Variants in ANO10 observed in about 807,000 individuals in gnomAD.
ANO10 encodes the protein anoctamin-10.
In ANO10, 77 loss-of-function variants were observed where a neutral mutation model predicts 74.7. The observed-to-expected ratio is 1.03, with a 90% CI of 0.86 to 1.25. The LOEUF (loss-of-function observed/expected upper bound fraction) is 1.25, where lower values mean the gene tolerates loss of function less well. Among genes scored for constraint, ANO10 ranks in the 50% most tolerant of loss-of-function variants. The probability of loss-of-function intolerance (pLI) is 0.00; values close to 1 mark genes in which losing one functional copy is unlikely to be tolerated. For missense variants in ANO10, 721 were observed against 778.1 expected, an observed-to-expected ratio of 0.93 and a Z score of 0.87; for synonymous variants, 279 against 284.9, an observed-to-expected ratio of 0.98 and a Z score of 0.21.
chr3:43,524,459 C>T (rs184131097), intron 11 of ANO10, among the ~76,000 whole-genome samples: 2 of 152,106 alleles, frequency 1.3e-5, no homozygotes, highest in African/African-American at 2.4e-5. Context: ...CAGTCCACCC[C>T]ACAGCAGTAA....
In ANO10 at chr3:43,493,153, G is replaced by A. The variant is rs545456276; in HGVS notation, c.1797+56567C>T. On this transcript the variant is annotated intron_variant, in intron 11 of 12. Coordinates refer to ENST00000292246, the MANE Select transcript of ANO10 (RefSeq NM_018075.5). Reference sequence around the variant, plus strand: ...TCCTTTGCAGGGAAAGGAAGCCATCGTTCTCAGTAAACTATCACAAGATCA... The same window carrying A: ...TCCTTTGCAGGGAAAGGAAGCCATCATTCTCAGTAAACTATCACAAGATCA... 2.0e-4 allele frequency among the ~76,000 whole-genome samples: 30 copies of A among 152,242 alleles called. No individual in the cohort carries two copies. The East Asian group carries it at 2.1e-3, about 11-fold the overall frequency.
At chr3:43,631,756 A>G (rs74612612) in intron 1 of ANO10, among the ~76,000 whole-genome samples, 1 of 126,320 alleles carries the variant, frequency 7.9e-6, no homozygotes, top group African/African-American at 3.0e-5. Context: ...AAGTGCTTAT[A>G]AAAAAAAAAA....
intron 1 of ANO10, among the ~76,000 whole-genome samples, chr3:43,609,655 C>T (rs991573456): frequency 9.9e-5 from 15 of 152,154 alleles, no homozygotes; most frequent in Middle Eastern, 3.2e-3. Flanking sequence ...CTATTACATA[C>T]CTAGGCTATA....
At chr3:43,506,924 T>C (rs535805303) in intron 11 of ANO10, among the ~76,000 whole-genome samples, 3 of 152,296 alleles carry the variant, frequency 2.0e-5, no homozygotes, top group East Asian at 3.9e-4. Flanking sequence ...ATCATCTATC[T>C]TCCCCCCTAA....
chr3:43,681,836 A>G (rs1223742053), intron 1 of ANO10, among the ~76,000 whole-genome samples: 1 of 152,258 alleles, frequency 6.6e-6, no homozygotes, highest in African/African-American at 2.4e-5. Flanking sequence ...ACTACTGGGT[A>G]CATAACGAAA....
intron 10 of ANO10, among the ~76,000 whole-genome samples, chr3:43,550,476 A>G (rs2079406974): frequency 1.3e-5 from 2 of 152,224 alleles, no homozygotes; most frequent in South Asian, 4.1e-4. Flanking sequence ...TGTTGTGACC[A>G]TTGCTCTTTT....
chr3:43,435,510 GAA>G (rs1224221805), intron 11 of ANO10, among the ~76,000 whole-genome samples: 3 of 120,094 alleles, frequency 2.5e-5, no homozygotes, highest in Admixed American at 1.7e-4. Context: ...CTCCATCTCA[GAA>G]AAAAAAAAAA....
At chr3:43,507,174 C>T (rs887456946) in intron 11 of ANO10, among the ~76,000 whole-genome samples, 1 of 152,132 alleles carries the variant, frequency 6.6e-6, no homozygotes, top group African/African-American at 2.4e-5. Context: ...TTGATAAGTA[C>T]ATTTCTCTCT....
chr3:43,438,970 AC>A (rs1399936328), intron 11 of ANO10, among the ~76,000 whole-genome samples: 3 of 152,132 alleles, frequency 2.0e-5, no homozygotes, highest in Non-Finnish European at 4.4e-5. Flanking sequence ...TGGGAACAGA[AC>A]TTAATTTGAG....
chr3:43,454,018 C>CA (rs1351802671), intron 11 of ANO10, among the ~76,000 whole-genome samples: 1 of 152,068 alleles, frequency 6.6e-6, no homozygotes, highest in Non-Finnish European at 1.5e-5. Flanking sequence ...GTTTATGAAA[C>CA]AAAGAAGAGG....
rs140856405 is a variant in ANO10, at chr3:43,511,271, A to G, written c.1797+38449T>C. On this transcript the variant is annotated intron_variant, in intron 11 of 12. Coordinates refer to ENST00000292246, the MANE Select transcript of ANO10 (RefSeq NM_018075.5). ...TTTTTATTGCTGCTCTAGTAACACA[A>G]ATTAGATTTTTTTAAAATTCACAAA... Among the ~76,000 whole-genome samples the G allele has an allele frequency of 1.4e-3, 219 of 152,312 alleles. 7 individuals carry two copies. The East Asian group carries it at 0.038, about 27-fold the overall frequency.
At chr3:43,678,242 A>G (rs1195721539) in intron 1 of ANO10, among the ~76,000 whole-genome samples, 2 of 152,216 alleles carry the variant, frequency 1.3e-5, no homozygotes, top group African/African-American at 4.8e-5. Context: ...AGAGTAAAAA[A>G]CAGAATGGCT....
At chr3:43,626,272 A>G (rs1278787643), upstream of ANO10, among the ~76,000 whole-genome samples, 1 of 147,152 alleles carries the variant, frequency 6.8e-6, no homozygotes, top group East Asian at 2.0e-4. Context: ...TCTTGTTTAC[A>G]TCTCATGATG....
chr3:43,681,507 T>C (rs1231713884), intron 1 of ANO10, among the ~76,000 whole-genome samples: 1 of 152,074 alleles, frequency 6.6e-6, no homozygotes, highest in African/African-American at 2.4e-5. Context: ...CCGTCAACAT[T>C]AGACAGATCA....
At chr3:43,386,648 CGTGTGTGTGTGT>C (rs36065814) in intron 12 of ANO10, among the ~76,000 whole-genome samples, 6,687 of 139,972 alleles carry the variant, frequency 0.048, 191 homozygotes, top group Non-Finnish European at 0.066. Context: ...TAGGTGTGTA[CGTGTGTGTGTGT>C]GTGTGTGTGT....
chr3:43,462,951 A>G (rs979716903), intron 11 of ANO10, among the ~76,000 whole-genome samples: 3 of 152,250 alleles, frequency 2.0e-5, no homozygotes, highest in Admixed American at 2.0e-4. Flanking sequence ...GTGAGCACAC[A>G]GAAGTCAAAA....
intron 1 of ANO10, among the ~76,000 whole-genome samples, chr3:43,657,392 G>A (rs1220184570): frequency 6.6e-6 from 1 of 152,302 alleles, no homozygotes; most frequent in Non-Finnish European, 1.5e-5. Context: ...GTAGGAGTAC[G>A]CAGTGACTAT....
intron 1 of ANO10, among the ~76,000 whole-genome samples, chr3:43,670,114 A>T (rs1158857450): frequency 1.3e-5 from 2 of 151,968 alleles, no homozygotes; most frequent in Non-Finnish European, 2.9e-5. Context: ...GCACTTTGGG[A>T]GGCTAAGGTA....
intron 11 of ANO10, among the ~76,000 whole-genome samples, chr3:43,446,913 C>T (rs1338383198): frequency 6.6e-6 from 1 of 152,090 alleles, no homozygotes; most frequent in African/African-American, 2.4e-5. Flanking sequence ...ATACCCCTAC[C>T]CCTGCCCTCA....
Sources: allele counts gnomAD v4.1 joint callset (sites outside exome capture counted in the v4.1 genomes callset), GRCh38; gene constraint gnomAD v4.1.1; transcripts MANE v1.5; gene names NCBI Gene and HGNC (gene_info 2026-07-23, HGNC 2026-07-21).